Variants in MGLL observed in about 807,000 individuals in gnomAD.
MGLL encodes lysophospholipase homolog.
In MGLL, 7 loss-of-function variants were observed where a neutral mutation model predicts 29.1. The observed-to-expected ratio is 0.24, with a 90% CI of 0.14 to 0.45. The LOEUF (loss-of-function observed/expected upper bound fraction) is 0.45. Among genes scored for constraint, MGLL ranks in the 20% least tolerant of loss-of-function variants. The pLI is 0.99. For missense variants in MGLL, 356 were observed against 413.6 expected (o/e 0.86, Z 1.21); for synonymous variants, 148 against 168.3 (o/e 0.88, Z 0.93).
rs570224539 is a variant in MGLL, at chr3:127,761,674, G to A, written c.262+20115C>T. On this transcript the variant is annotated intron_variant, in intron 3 of 7. Transcript: ENST00000265052. This position sits in a 1 kb window ranked among gnomAD's most constrained non-coding sequence, Gnocchi z 4.6. ...GTGAGGACACGGAGGCACAGAGAGGGCTGGCGCACAGCCGGCCGTGGGCAG... is the reference window on the plus strand; with the variant it reads ...GTGAGGACACGGAGGCACAGAGAGGACTGGCGCACAGCCGGCCGTGGGCAG... Among the ~76,000 whole-genome samples, 1 of 152,212 alleles carries A rather than the reference G, an allele frequency of 6.6e-6. No homozygotes were observed. The highest frequency in any genetic ancestry group is 2.4e-5 in the African/African-American group (1 of 41,446).
chr3:127,779,440 C>T (rs2077087531), intron 3 of MGLL, among the ~76,000 whole-genome samples: 2 of 151,728 alleles, frequency 1.3e-5, no homozygotes, highest in South Asian at 4.1e-4. Context: ...TCTCTGTAGG[C>T]ATTTGTGCCT....
intron 3 of MGLL, 134 bp downstream of exon 3, chr3:127,781,655 T>C: frequency 1.1e-6 from 1 of 874,280 alleles, no homozygotes; most frequent in Non-Finnish European, 1.9e-6. Context: ...TTTGCATAAC[T>C]ACATTTTTTT....
In MGLL at chr3:127,761,410, T is replaced by C. The variant is rs1004748778; in HGVS notation, c.262+20379A>G. Among the ~76,000 whole-genome samples the C allele has an allele frequency of 2.0e-5, 3 of 152,036 alleles. No homozygotes were observed. Among genetic ancestry groups the C allele is most frequent in the African/African-American group, 7.2e-5 (3 of 41,384 alleles). On this transcript the variant is annotated intron_variant, in intron 3 of 7. Transcript: ENST00000265052. The surrounding 1 kb of genome is among the most constrained non-coding windows in gnomAD (Gnocchi z 4.6). Reference sequence around the variant, plus strand: ...GCTTTGAGGGACCAGGGTGGAGGCCTCCCCAGGGCTCCTCCTTCTCCAGCA... The same window carrying C: ...GCTTTGAGGGACCAGGGTGGAGGCCCCCCCAGGGCTCCTCCTTCTCCAGCA...
At chr3:127,719,310 G>C (rs1559920291) in intron 5 of MGLL, among the ~76,000 whole-genome samples, 1 of 152,212 alleles carries the variant, frequency 6.6e-6, no homozygotes, top group Non-Finnish European at 1.5e-5. Flanking sequence ...TTCTGTAAGG[G>C]AAAACATCCA....
At chr3:127,723,041 A>G (rs1273116920) in intron 3 of MGLL, among the ~76,000 whole-genome samples, 1 of 152,216 alleles carries the variant, frequency 6.6e-6, no homozygotes, top group Non-Finnish European at 1.5e-5. Context: ...TTACAGTTTT[A>G]GGTGAAGATA....
At chr3:127,710,934 C>A (rs574092795) in intron 5 of MGLL, 5 of 493,924 alleles carry the variant, frequency 1.0e-5, no homozygotes, top group Non-Finnish European at 1.9e-5. Context: ...GAATTTTGCC[C>A]GCTCTATACC....
chr3:127,722,611 G>A (rs762888637), intron 3 of MGLL, 45 bp from the exon 4 acceptor site: 5 of 1,613,696 alleles, frequency 3.1e-6, no homozygotes, highest in East Asian at 2.2e-5. Flanking sequence ...TTACCAGGTC[G>A]ACTCCTACAC....
chr3:127,707,053 C>T (rs114530001), intron 6 of MGLL, among the ~76,000 whole-genome samples: 2,902 of 152,302 alleles, frequency 0.019, 42 homozygotes, highest in Non-Finnish European at 0.031. Flanking sequence ...TGAGTGGCCA[C>T]TCCTCATGGC....
rs753742331 is a variant in MGLL, at chr3:127,692,328, A to G, written c.817-5T>C. 1 of 1,613,978 alleles carries G rather than the reference A, an allele frequency of 6.2e-7. No individual in the cohort carries two copies. Among genetic ancestry groups the G allele is most frequent in the Non-Finnish European group, 8.5e-7 (1 of 1,179,970 alleles). On this transcript the variant is annotated splice_region_variant and splice_polypyrimidine_tract_variant and intron_variant, in intron 7 of 7. Coordinates refer to ENST00000265052, the MANE Select transcript of MGLL (RefSeq NM_007283.7). ...ATGGTAGGCACCTTCATAAATCTGC[A>G]ATGAGGAGAGACACGGAATCAGAGC...
At chr3:127,743,876 C>T (rs1353194911) in intron 3 of MGLL, among the ~76,000 whole-genome samples, 1 of 152,112 alleles carries the variant, frequency 6.6e-6, no homozygotes, top group Non-Finnish European at 1.5e-5. Context: ...GCTGATGGTC[C>T]CAGTTTCAAT....
chr3:127,802,507 C>G (rs1361931072), intron 2 of MGLL, among the ~76,000 whole-genome samples: 2 of 152,154 alleles, frequency 1.3e-5, no homozygotes, highest in African/African-American at 2.4e-5. Flanking sequence ...ATAATCACCC[C>G]CCTTGTACTA....
chr3:127,693,161 C>G (rs576411006), intron 7 of MGLL, among the ~76,000 whole-genome samples: 3 of 152,216 alleles, frequency 2.0e-5, no homozygotes, highest in African/African-American at 7.2e-5. Context: ...ACGTCAGTCT[C>G]TCTGCCTGGC....
At chr3:127,702,957 A>G (rs1022898990) in intron 6 of MGLL, among the ~76,000 whole-genome samples, 1 of 152,098 alleles carries the variant, frequency 6.6e-6, no homozygotes, top group Non-Finnish European at 1.5e-5. Flanking sequence ...GGCCTCCCAA[A>G]TTGCTGGGAT....
chr3:127,734,665 C>T (rs142650299), intron 3 of MGLL, among the ~76,000 whole-genome samples: 39 of 152,354 alleles, frequency 2.6e-4, no homozygotes, highest in African/African-American at 8.9e-4. Flanking sequence ...TTGGCTCTGT[C>T]CCAACTTGAC....
At chr3:127,701,350 C>T (rs1576474625) in intron 6 of MGLL, among the ~76,000 whole-genome samples, 1 of 152,228 alleles carries the variant, frequency 6.6e-6, no homozygotes, top group East Asian at 1.9e-4. Flanking sequence ...GTGGCCATGG[C>T]GTGCTTCCTC....
At chr3:127,704,421 T>G (rs1246993619) in intron 6 of MGLL, among the ~76,000 whole-genome samples, 1 of 152,206 alleles carries the variant, frequency 6.6e-6, no homozygotes, top group African/African-American at 2.4e-5. Context: ...AAAGGGCTTC[T>G]GCACAGCAAA....
intron 2 of MGLL, among the ~76,000 whole-genome samples, chr3:127,784,581 C>T (rs1314506850): frequency 1.3e-5 from 2 of 152,134 alleles, no homozygotes; most frequent in African/African-American, 4.8e-5. Context: ...CTTCTCTCTG[C>T]ACAGGAAGAG....
intron 5 of MGLL, among the ~76,000 whole-genome samples, chr3:127,718,258 G>T (rs965124418): frequency 6.6e-6 from 1 of 152,152 alleles, no homozygotes; most frequent in African/African-American, 2.4e-5. Context: ...GAAGGTGCCT[G>T]GTGCTGGGAA....
chr3:127,770,377 T>C (rs2107693296), intron 3 of MGLL, among the ~76,000 whole-genome samples: 1 of 152,034 alleles, frequency 6.6e-6, no homozygotes. Flanking sequence ...TCAAATGAAA[T>C]ATTGTACAGA....
Sources: allele counts gnomAD v4.1 joint callset (sites outside exome capture counted in the v4.1 genomes callset), GRCh38; gene constraint gnomAD v4.1.1; non-coding constraint Gnocchi (gnomAD v3.1); transcripts MANE v1.5; gene names NCBI Gene and HGNC (gene_info 2026-07-23, HGNC 2026-07-21).